B3GALT1: variants seen among roughly 807,000 people sequenced by gnomAD.
B3GALT1 encodes UDP-Gal:betaGlcNAc beta 1,3-galactosyltransferase, polypeptide 1.
In B3GALT1, 10 loss-of-function variants were observed where a neutral mutation model predicts 23.2. That is an observed-to-expected ratio of 0.43 (90% CI 0.27 to 0.73). B3GALT1 has a LOEUF of 0.73. Among genes scored for constraint, B3GALT1 ranks in the 30% least tolerant of loss-of-function variants. The pLI is 0.21. For missense variants in B3GALT1, 299 were observed against 405.4 expected (o/e 0.74, Z 2.25); for synonymous variants, 156 against 141.5 (o/e 1.10, Z -0.73).
At chr2:167,442,496 C>T in intron 1 of B3GALT1, among the ~76,000 whole-genome samples, 1 of 151,758 alleles carries the variant, frequency 6.6e-6, no homozygotes. Context: ...GTCCCACCAA[C>T]AGTGTAAAAG....
intron 2 of B3GALT1, among the ~76,000 whole-genome samples, chr2:167,607,366 A>G (rs1328284337): frequency 6.6e-6 from 1 of 152,166 alleles, no homozygotes; most frequent in African/African-American, 2.4e-5. Context: ...TTATGCAAGA[A>G]GAATATGTAG....
chr2:167,521,982 G>GTATATATATATATATA (rs1406145422), intron 2 of B3GALT1, among the ~76,000 whole-genome samples: 1 of 135,246 alleles, frequency 7.4e-6, no homozygotes, highest in East Asian at 2.4e-4. Context: ...GTGTGTGTGT[G>GTATATATATATATATA]TGTATATATA....
chr2:167,853,871 T>C (rs1193859253), intron 4 of B3GALT1, among the ~76,000 whole-genome samples: 1 of 152,138 alleles, frequency 6.6e-6, no homozygotes, highest in Non-Finnish European at 1.5e-5. Context: ...GTGCAAGTGT[T>C]CCCTGAGAGA....
At chr2:167,776,859 T>C (rs1423683866) in intron 3 of B3GALT1, among the ~76,000 whole-genome samples, 2 of 152,250 alleles carry the variant, frequency 1.3e-5, no homozygotes, top group African/African-American at 4.8e-5. Flanking sequence ...TTTGGTGTTA[T>C]CTAGCTTCGT....
chr2:167,810,966 C>T (rs975408822), intron 3 of B3GALT1, among the ~76,000 whole-genome samples: 1 of 152,166 alleles, frequency 6.6e-6, no homozygotes, highest in Non-Finnish European at 1.5e-5. Context: ...GCTGCCTAAA[C>T]ATCAGAGAAG....
chr2:167,812,118 T>C (rs1558987588), intron 3 of B3GALT1, among the ~76,000 whole-genome samples: 1 of 152,228 alleles, frequency 6.6e-6, no homozygotes, highest in Non-Finnish European at 1.5e-5. Flanking sequence ...ATGGTCAGTG[T>C]CATTTCTCAC....
chr2:167,405,655 A>G (rs1698263535), intron 1 of B3GALT1, among the ~76,000 whole-genome samples: 1 of 152,136 alleles, frequency 6.6e-6, no homozygotes, highest in African/African-American at 2.4e-5. Context: ...ATTTGAAGCT[A>G]TGGAATGAAT....
chr2:167,361,215 T>A (rs1697494797), intron 1 of B3GALT1, among the ~76,000 whole-genome samples: 2 of 23,952 alleles, frequency 8.4e-5, no homozygotes, highest in African/African-American at 1.4e-4. Context: ...CCCACTAGTT[T>A]TTTTTTTTTT....
rs113330757 is a variant in B3GALT1 at position 167,788,585 on chromosome 2, G to A, written c.-351-30087G>A. 7.1e-3 allele frequency among the ~76,000 whole-genome samples: 1,082 copies of A among 152,148 alleles called. 12 individuals carry two copies. The highest frequency in any genetic ancestry group is 0.024 in the African/African-American group (1,011 of 41,496). On this transcript the variant is annotated intron_variant, in intron 3 of 4. Coordinates refer to ENST00000392690, the MANE Select transcript of B3GALT1 (RefSeq NM_020981.4). The stretch of plus-strand genomic sequence containing the variant: ...AATGTCACTTCTGATCTGACAGGAG[G>A]AGGAGCTCAGGTGGTAATGCGAGCG...
chr2:167,804,833 T>A (rs1438305999), intron 3 of B3GALT1, among the ~76,000 whole-genome samples: 1 of 152,182 alleles, frequency 6.6e-6, no homozygotes, highest in Non-Finnish European at 1.5e-5. Context: ...ATCCTTTGGG[T>A]ATATACCCAG....
intron 1 of B3GALT1, among the ~76,000 whole-genome samples, chr2:167,440,391 C>G (rs372029195): frequency 2.3e-4 from 34 of 150,804 alleles, no homozygotes; most frequent in African/African-American, 8.3e-4. Flanking sequence ...TTCATAAACC[C>G]TAACATTTTG....
At chr2:167,324,075 T>A (rs1197363683) in intron 1 of B3GALT1, among the ~76,000 whole-genome samples, 2 of 152,018 alleles carry the variant, frequency 1.3e-5, no homozygotes, top group Admixed American at 1.3e-4. Context: ...CTGTGATTGA[T>A]GAATGGTGCT....
chr2:167,463,425 C>G (rs1472315481), intron 1 of B3GALT1, among the ~76,000 whole-genome samples: 5 of 152,056 alleles, frequency 3.3e-5, no homozygotes, highest in Non-Finnish European at 7.4e-5. Context: ...TTACTAAATA[C>G]TAAGCACTAT....
chr2:167,846,682 A>G (rs560263597), intron 4 of B3GALT1, among the ~76,000 whole-genome samples: 1 of 152,190 alleles, frequency 6.6e-6, no homozygotes, highest in South Asian at 2.1e-4. Context: ...ATAAAACAAA[A>G]ATATAATTTA....
intron 3 of B3GALT1, among the ~76,000 whole-genome samples, chr2:167,656,080 G>C (rs1013063800): frequency 2.6e-5 from 4 of 152,140 alleles, no homozygotes; most frequent in African/African-American, 7.2e-5. Flanking sequence ...GACTGAGATG[G>C]GGTGTCCTCT....
chr2:167,623,255 A>G (rs761610566), intron 2 of B3GALT1, among the ~76,000 whole-genome samples: 16 of 152,154 alleles, frequency 1.1e-4, no homozygotes, highest in Non-Finnish European at 1.5e-4. Context: ...TGATCCAGCA[A>G]TCCCATTACT....
intron 3 of B3GALT1, among the ~76,000 whole-genome samples, chr2:167,669,031 C>G (rs1277151966): frequency 6.6e-6 from 1 of 152,138 alleles, no homozygotes; most frequent in South Asian, 2.1e-4. Flanking sequence ...TTGCTGTCCC[C>G]CTCCCTCCCC....
At chr2:167,385,618 G>A (rs73021722) in intron 1 of B3GALT1, among the ~76,000 whole-genome samples, 4,893 of 152,266 alleles carry the variant, frequency 0.032, 252 homozygotes, top group African/African-American at 0.11. Flanking sequence ...TGATCAGGCA[G>A]CTGAGGGGCA....
chr2:167,655,829 G>C (rs1002585629), intron 3 of B3GALT1, among the ~76,000 whole-genome samples: 1 of 152,140 alleles, frequency 6.6e-6, no homozygotes, highest in Non-Finnish European at 1.5e-5. Flanking sequence ...AATTGACAAT[G>C]TAGGCCTGTG....
Sources: gnomAD v4.1 joint callset for allele counts (sites outside exome capture counted in the v4.1 genomes callset) on GRCh38, gnomAD v4.1.1 for gene constraint, MANE v1.5 for transcripts, NCBI Gene and HGNC (gene_info 2026-07-23, HGNC 2026-07-21) for gene names.